PREX1: variants seen among roughly 807,000 people sequenced by gnomAD.
PREX1 encodes phosphatidylinositol-3,4,5-trisphosphate dependent Rac exchange factor 1.
Under a neutral mutation model 198.3 loss-of-function variants are expected in PREX1, and 41 were observed. The ratio of observed to expected loss-of-function variants is 0.21; its 90% CI spans 0.16 to 0.27. PREX1 has a LOEUF of 0.27. Among genes scored for constraint, PREX1 ranks in the 10% least tolerant of loss-of-function variants. The pLI, the probability that PREX1 is intolerant of heterozygous loss-of-function variation, is 1.00. For missense variants in PREX1, 1,620 were observed against 2,200.7 expected (o/e 0.74, Z 5.28); for synonymous variants, 843 against 887.2 (o/e 0.95, Z 0.89).
At chr20:48,850,614 GT>G in the PREX1 span, among the ~76,000 whole-genome samples, 1 of 150,806 alleles carries the variant, frequency 6.6e-6, no homozygotes, top group African/African-American at 2.4e-5. Flanking sequence ...AAAATATTTT[GT>G]TTTTTTTTAA....
Position 48,657,044 on chromosome 20 carries a change from T to C in PREX1, c.2119A>G (p.Lys707Glu). 1 of 1,588,678 alleles carries C rather than the reference T, an allele frequency of 6.3e-7. No individual in the cohort carries two copies. Among genetic ancestry groups the C allele is most frequent in the Non-Finnish European group, 8.6e-7 (1 of 1,166,486 alleles). Residue 707 changes from lysine to glutamate, a missense_variant, in exon 18 of 40, where the codon AAA becomes GAA. Physicochemically the swap from Lys to Glu is moderately conservative, Grantham distance 56. Around this residue, in one of 7 missense-constraint regions of PREX1, gnomAD observed 514 missense variants for 611.6 expected, o/e 0.84. Coordinates refer to ENST00000371941, the MANE Select transcript of PREX1 (RefSeq NM_020820.4). The stretch of plus-strand genomic sequence containing the variant: ...ACCCCGCCCTGGGACACTCACTCTT[T>C]GGCCTTCGTGGCCACCAGGAGGCGC... The part of the protein sequence containing the change: ...PLRLLVATKA[K>E]EIIKIPDQPD...
the PREX1 span, among the ~76,000 whole-genome samples, chr20:48,878,280 T>A: frequency 6.6e-6 from 1 of 152,188 alleles, no homozygotes; most frequent in Non-Finnish European, 1.5e-5. Flanking sequence ...GTAGCCTCAT[T>A]TTCTTTGCTA....
intron 37 of PREX1, 65 bp from the exon 38 acceptor site, chr20:48,628,028 G>T: frequency 1.0e-6 from 1 of 996,266 alleles, no homozygotes; most frequent in Non-Finnish European, 1.5e-6. Context: ...GAGGACAGCG[G>T]GAGTCAGAGG....
intron 7 of PREX1, among the ~76,000 whole-genome samples, chr20:48,695,234 T>C (rs2089839378): frequency 6.6e-6 from 1 of 152,224 alleles, no homozygotes; most frequent in Admixed American, 6.5e-5. Context: ...TTGCCTGTTT[T>C]TGAACTTTAC....
the PREX1 span, among the ~76,000 whole-genome samples, chr20:48,876,138 G>A: frequency 6.6e-6 from 1 of 152,168 alleles, no homozygotes; most frequent in Non-Finnish European, 1.5e-5. Flanking sequence ...GACTTTTGGG[G>A]AGGCCAAGGT....
chr20:48,778,671 G>A (rs1470015450), intron 1 of PREX1, among the ~76,000 whole-genome samples: 1 of 152,096 alleles, frequency 6.6e-6, no homozygotes, highest in African/African-American at 2.4e-5. Flanking sequence ...ACAGATCAAT[G>A]GAACAGAAAA....
At position 48,627,537 on chromosome 20, in the gene PREX1, C is replaced by A. The variant is rs1439962357; in HGVS notation, c.4937+11G>T. On this transcript the variant is annotated intron_variant, in intron 39 of 39. Transcript: ENST00000371941. ...AGTGGACAGGAAGGGGCGGACGAGG[C>A]AGCCACTCACCGCGGAGCACCCTGG... 18 of 1,613,772 alleles carry A rather than the reference C, an allele frequency of 1.1e-5. No homozygotes were observed. The highest frequency in any genetic ancestry group is 2.7e-5 in the African/African-American group (2 of 74,914).
At chr20:48,861,420 C>T in the PREX1 span, among the ~76,000 whole-genome samples, 1 of 152,196 alleles carries the variant, frequency 6.6e-6, no homozygotes, top group Non-Finnish European at 1.5e-5. Flanking sequence ...TTAGAAGGTC[C>T]GGCCACCCGG....
chr20:48,629,421 C>A (rs780204609), intron 37 of PREX1, 28 bp downstream of exon 37: 2 of 1,606,176 alleles, frequency 1.2e-6, no homozygotes, highest in Non-Finnish European at 1.7e-6. Context: ...CCCCTCCCCA[C>A]ACCCCGACTC....
intron 1 of PREX1, among the ~76,000 whole-genome samples, chr20:48,776,069 C>A (rs1402783680): frequency 6.6e-6 from 1 of 152,058 alleles, no homozygotes; most frequent in Admixed American, 6.5e-5. Context: ...CACATCCTCA[C>A]CAATGGAGGT....
intron 5 of PREX1, among the ~76,000 whole-genome samples, chr20:48,714,504 C>CAGATGAAA (rs1433605801): frequency 6.6e-6 from 1 of 152,106 alleles, no homozygotes; most frequent in Non-Finnish European, 1.5e-5. Context: ...GTCCAATAAG[C>CAGATGAAA]AGATGAAAAG....
chr20:48,689,651 C>T (rs1334006690), intron 9 of PREX1, among the ~76,000 whole-genome samples: 10 of 152,178 alleles, frequency 6.6e-5, no homozygotes. Flanking sequence ...ATCCCTGAAC[C>T]CCATCCCAGT....
At chr20:48,677,398 C>T (rs1162826806) in intron 13 of PREX1, among the ~76,000 whole-genome samples, 1 of 152,180 alleles carries the variant, frequency 6.6e-6, no homozygotes, top group African/African-American at 2.4e-5. Flanking sequence ...GAAAAATCTG[C>T]AGCTGGGATA....
chr20:48,848,322 G>T, the PREX1 span, among the ~76,000 whole-genome samples: 1 of 146,396 alleles, frequency 6.8e-6, no homozygotes, highest in Non-Finnish European at 1.5e-5. Context: ...TGGCACAATT[G>T]TGGCTCACTG....
upstream of PREX1, among the ~76,000 whole-genome samples, chr20:48,828,374 A>G (rs545927824): frequency 3.0e-3 from 458 of 152,054 alleles, 4 homozygotes; most frequent in Non-Finnish European, 1.8e-3. Flanking sequence ...GGCACACGCG[A>G]CACCCGCCGC....
At chr20:48,841,315 A>G in the PREX1 span, among the ~76,000 whole-genome samples, 1 of 152,234 alleles carries the variant, frequency 6.6e-6, no homozygotes, top group Non-Finnish European at 1.5e-5. Context: ...CAAGTCATAC[A>G]GTATCTTCTC....
chr20:48,834,362 A>G, the PREX1 span, among the ~76,000 whole-genome samples: 2 of 149,932 alleles, frequency 1.3e-5, no homozygotes, highest in African/African-American at 4.9e-5. Context: ...TGTCTGGGTT[A>G]TTTTTTTTTT....
At chr20:48,751,440 C>G (rs1482305754) in intron 1 of PREX1, among the ~76,000 whole-genome samples, 1 of 152,198 alleles carries the variant, frequency 6.6e-6, no homozygotes, top group Non-Finnish European at 1.5e-5. Flanking sequence ...CAATGGGAGG[C>G]TCGGGCCACC....
intron 1 of PREX1, among the ~76,000 whole-genome samples, chr20:48,812,911 A>G (rs1158585265): frequency 1.3e-5 from 2 of 152,288 alleles, no homozygotes; most frequent in African/African-American, 4.8e-5. Context: ...GACCAAATGC[A>G]AGGAACAAAG....
Sources: gnomAD v4.1 joint callset for allele counts (sites outside exome capture counted in the v4.1 genomes callset) on GRCh38, gnomAD v4.1.1 for gene constraint, gnomAD v4.1.1 regional missense constraint, MANE v1.5 for transcripts, NCBI Gene and HGNC (gene_info 2026-07-23, HGNC 2026-07-21) for gene names.